Variants in THSD7A observed in about 807,000 individuals in gnomAD.
THSD7A encodes the protein thrombospondin type 1 domain containing 7A.
Under a neutral mutation model 231.3 loss-of-function variants are expected in THSD7A, and 96 were observed. The observed-to-expected ratio is 0.41, with a 90% confidence interval of 0.35 to 0.49. The LOEUF (loss-of-function observed/expected upper bound fraction) is 0.49. Ranked by LOEUF, THSD7A falls within the 20% of genes least tolerant of loss-of-function variation. The pLI, the probability that THSD7A is intolerant of heterozygous loss-of-function variation, is 0.05. For missense variants in THSD7A, 2,290 were observed against 2,070.2 expected (o/e 1.11, Z -2.06); for synonymous variants, 940 against 743.3 (o/e 1.26, Z -4.30).
intron 1 of THSD7A, among the ~76,000 whole-genome samples, chr7:11,739,310 G>A: frequency 6.6e-6 from 1 of 151,942 alleles, no homozygotes; most frequent in East Asian, 2.0e-4. Context: ...TAAAATTTAA[G>A]ACAGTGTTAA....
intron 1 of THSD7A, among the ~76,000 whole-genome samples, chr7:11,683,211 A>G (rs1043031893): frequency 6.6e-6 from 1 of 152,022 alleles, no homozygotes; most frequent in African/African-American, 2.4e-5. Flanking sequence ...GGAGCTCTTA[A>G]AAACCACACA....
At chr7:11,644,815 T>C (rs1037894000) in intron 1 of THSD7A, among the ~76,000 whole-genome samples, 3 of 151,970 alleles carry the variant, frequency 2.0e-5, no homozygotes, top group African/African-American at 7.2e-5. Flanking sequence ...AAAAATACGA[T>C]ATCCTCTCAT....
At chr7:11,676,370 T>A (rs1037924731) in intron 1 of THSD7A, among the ~76,000 whole-genome samples, 1 of 152,128 alleles carries the variant, frequency 6.6e-6, no homozygotes, top group Non-Finnish European at 1.5e-5. Context: ...CTCCAAAGGA[T>A]CACAATTCCT....
At chr7:11,500,588 C>G (rs1787290229) in intron 6 of THSD7A, among the ~76,000 whole-genome samples, 1 of 151,900 alleles carries the variant, frequency 6.6e-6, no homozygotes. Context: ...GATATAATGA[C>G]ACTTGTAGGC....
chr7:11,720,670 T>C (rs538705220), intron 1 of THSD7A, among the ~76,000 whole-genome samples: 1 of 151,854 alleles, frequency 6.6e-6, no homozygotes, highest in African/African-American at 2.4e-5. Context: ...CTGGTTCTTA[T>C]CTCCATCACT....
At chr7:11,818,799 C>T (rs549374801) in intron 1 of THSD7A, among the ~76,000 whole-genome samples, 30 of 152,282 alleles carry the variant, frequency 2.0e-4, no homozygotes, top group Middle Eastern at 6.8e-3. Context: ...TCATTCATCA[C>T]GCCCAGGATA....
intron 1 of THSD7A, among the ~76,000 whole-genome samples, chr7:11,691,930 A>G (rs1349269237): frequency 1.3e-5 from 2 of 151,588 alleles, no homozygotes; most frequent in Non-Finnish European, 3.0e-5. Context: ...ATAATAATTC[A>G]AAAATAACAT....
intron 4 of THSD7A, among the ~76,000 whole-genome samples, chr7:11,588,735 T>C (rs1480436356): frequency 2.0e-5 from 3 of 152,188 alleles, no homozygotes; most frequent in African/African-American, 7.2e-5. Flanking sequence ...TAAAATCTGA[T>C]CTACCTCTAG....
rs559410146 is a variant in THSD7A, at chr7:11,790,107, C to A, written c.190+41650G>T. ...CATACTTTTTGAGGTTAAAAAAGAA[C>A]AAATTAAGTATTAATTTCAAAAATC... On this transcript the variant is annotated intron_variant, in intron 1 of 27. Coordinates refer to ENST00000423059, the MANE Select transcript of THSD7A (RefSeq NM_015204.3). Among the ~76,000 whole-genome samples, 143 of 151,840 alleles carry A rather than the reference C, an allele frequency of 9.4e-4. 2 individuals are homozygous for A. The South Asian group carries it at 0.014, about 15-fold the overall frequency.
intron 4 of THSD7A, among the ~76,000 whole-genome samples, chr7:11,567,718 T>C (rs188300406): frequency 2.6e-5 from 4 of 152,264 alleles, no homozygotes; most frequent in Admixed American, 2.6e-4. Context: ...AGTGAAGAGA[T>C]AAGATTGCAA....
At chr7:11,626,228 C>T (rs544240792) in intron 2 of THSD7A, among the ~76,000 whole-genome samples, 45 of 151,940 alleles carry the variant, frequency 3.0e-4, no homozygotes, top group South Asian at 8.3e-4. Context: ...TTTCCTAAGA[C>T]GGTAGGTCTT....
Position 11,422,864 on chromosome 7 carries a change from G to C in THSD7A, c.3383+1832C>G, listed in dbSNP as rs1028140459. ...GACAGGGTTTCACCATGTTGGCCAG[G>C]ATGGTCTTGATTTCTTGACGTTGTG... On this transcript the variant is annotated intron_variant, in intron 16 of 27. Coordinates refer to ENST00000423059, the MANE Select transcript of THSD7A (RefSeq NM_015204.3). 5.3e-5 allele frequency among the ~76,000 whole-genome samples: 8 copies of C among 152,208 alleles called. No individual in the cohort carries two copies. In the South Asian group the frequency reaches 1.7e-3, roughly 32 times the overall value.
rs577463029 is a variant in THSD7A, at chr7:11,644,883, T to C, written c.191-7922A>G. 3.3e-5 allele frequency among the ~76,000 whole-genome samples: 5 copies of C among 152,098 alleles called. No homozygotes were observed. In the South Asian group the frequency reaches 8.3e-4, roughly 25 times the overall value. ...AGTATGAGGAATGTTTGTGATAAAGTTGTGAATTGCCTTTCTTTTACACAA... is the reference window on the plus strand; with the variant it reads ...AGTATGAGGAATGTTTGTGATAAAGCTGTGAATTGCCTTTCTTTTACACAA... On this transcript the variant is annotated intron_variant, in intron 1 of 27. Transcript: ENST00000423059.
intron 1 of THSD7A, among the ~76,000 whole-genome samples, chr7:11,716,607 C>T (rs1400689766): frequency 7.0e-6 from 1 of 143,060 alleles, no homozygotes; most frequent in African/African-American, 2.6e-5. Context: ...AATAATCAGA[C>T]AATCCAATAG....
intron 1 of THSD7A, among the ~76,000 whole-genome samples, chr7:11,806,754 A>G (rs1364632633): frequency 1.3e-5 from 2 of 152,160 alleles, no homozygotes; most frequent in Non-Finnish European, 2.9e-5. Flanking sequence ...GACACTGGGT[A>G]GTGAGCCAAA....
At chr7:11,585,247 G>A (rs1299923400) in intron 4 of THSD7A, among the ~76,000 whole-genome samples, 17 of 152,116 alleles carry the variant, frequency 1.1e-4, no homozygotes, top group Admixed American at 9.2e-4. Context: ...TACCCCAACA[G>A]CTGAACCTCT....
chr7:11,743,088 T>C (rs1203453654), intron 1 of THSD7A, among the ~76,000 whole-genome samples: 1 of 151,928 alleles, frequency 6.6e-6, no homozygotes, highest in Non-Finnish European at 1.5e-5. Flanking sequence ...TACTTATTAT[T>C]GGCTTTCTAA....
At chr7:11,656,483 T>A (rs1045262943) in intron 1 of THSD7A, among the ~76,000 whole-genome samples, 2 of 151,836 alleles carry the variant, frequency 1.3e-5, no homozygotes, top group Non-Finnish European at 2.9e-5. Context: ...AAGCTTGCAG[T>A]TGGATTATCT....
intron 2 of THSD7A, among the ~76,000 whole-genome samples, chr7:11,612,485 A>G (rs544836687): frequency 4.6e-5 from 7 of 152,358 alleles, no homozygotes; most frequent in African/African-American, 1.7e-4. Flanking sequence ...TCTGTCACAC[A>G]TGTGACCAGA....
Sources: allele counts gnomAD v4.1 joint callset (sites outside exome capture counted in the v4.1 genomes callset), GRCh38; gene constraint gnomAD v4.1.1; transcripts MANE v1.5; gene names NCBI Gene and HGNC (gene_info 2026-07-23, HGNC 2026-07-21).